The following ROCK1 variants were observed in gnomAD, a reference collection of about 807,000 sequenced individuals.
ROCK1 encodes the protein rho-associated protein kinase 1.
In ROCK1, 36 loss-of-function variants were observed where a neutral mutation model predicts 196.8. The ratio of observed to expected loss-of-function variants is 0.18; its 90% CI spans 0.14 to 0.24. The LOEUF (loss-of-function observed/expected upper bound fraction) is 0.24. Ranked by LOEUF, ROCK1 falls within the 10% of genes least tolerant of loss-of-function variation. The pLI, the probability that ROCK1 is intolerant of heterozygous loss-of-function variation, is 1.00. For missense variants in ROCK1, 920 were observed against 1,562.0 expected (o/e 0.59, Z 6.93); for synonymous variants, 443 against 515.9 (o/e 0.86, Z 1.91).
At chr18:21,005,858 C>T (rs2035764080) in intron 16 of ROCK1, among the ~76,000 whole-genome samples, 1 of 152,062 alleles carries the variant, frequency 6.6e-6, no homozygotes, top group Admixed American at 6.5e-5. Flanking sequence ...GCCTGTGCAA[C>T]AGAGCAAGTT....
At chr18:21,001,262 GGA>G (rs1598523489) in intron 16 of ROCK1, among the ~76,000 whole-genome samples, 1 of 152,202 alleles carries the variant, frequency 6.6e-6, no homozygotes, top group East Asian at 1.9e-4. Context: ...GTGGTTGCCA[GGA>G]GATAGTGGAG....
chr18:21,022,271 T>C (rs2143466303), intron 11 of ROCK1, among the ~76,000 whole-genome samples: 1 of 152,262 alleles, frequency 6.6e-6, no homozygotes, highest in Non-Finnish European at 1.5e-5. Context: ...AAGGACCTTC[T>C]GAAATGTAAG....
intron 1 of ROCK1, among the ~76,000 whole-genome samples, chr18:21,082,089 G>T (rs980769692): frequency 3.9e-5 from 6 of 151,952 alleles, no homozygotes; most frequent in African/African-American, 1.5e-4. Context: ...AGTAGCTTGT[G>T]TGAGCAACCA....
chr18:21,014,727 C>T (rs2035848672), intron 13 of ROCK1, among the ~76,000 whole-genome samples: 1 of 152,062 alleles, frequency 6.6e-6, no homozygotes, highest in African/African-American at 2.4e-5. Flanking sequence ...TTGACAGATA[C>T]CATTCTATAA....
intron 2 of ROCK1, among the ~76,000 whole-genome samples, chr18:21,061,230 C>T (rs2143536392): frequency 6.6e-6 from 1 of 152,086 alleles, no homozygotes; most frequent in African/African-American, 2.4e-5. Flanking sequence ...AGGCACCTGC[C>T]ACCATACCCG....
At chr18:20,990,693 CAAAAAA>C (rs1170099682) in intron 18 of ROCK1, among the ~76,000 whole-genome samples, 3 of 22,598 alleles carry the variant, frequency 1.3e-4, no homozygotes, top group Admixed American at 4.6e-4. Flanking sequence ...AACTTCGTCT[CAAAAAA>C]AAAAAAAAAA....
At position 20,979,931 on chromosome 18, in the gene ROCK1, A is replaced by C; in HGVS notation, c.2633T>G (p.Ile878Arg). 6.5e-7 allele frequency: 1 copy of C among 1,541,896 alleles called. No homozygotes were observed. The change falls in exon 22 of 33, where the codon ATA (isoleucine) becomes AGA (arginine). Residue 878 changes from isoleucine to arginine, a missense_variant. By Grantham distance (97) the Ile-to-Arg change is moderately conservative. This residue lies in a region of ROCK1 where 520 missense variants were observed against 657.1 expected (regional missense o/e 0.79). Coordinates refer to ENST00000399799, the MANE Select transcript of ROCK1 (RefSeq NM_005406.3). ...ATACTTTTCATTTTGTAGTTCCTGT[A>C]TTTTCTTTAAATTTTCTCTGTTTTT... ...EEKNRENLKK[I>R]QELQNEKETL...
At chr18:21,027,365 GT>G (rs2035967590) in intron 10 of ROCK1, among the ~76,000 whole-genome samples, 1 of 152,180 alleles carries the variant, frequency 6.6e-6, no homozygotes, top group African/African-American at 2.4e-5. Context: ...TTGGTGCTCA[GT>G]ATATACCTGA....
Position 21,110,967 on chromosome 18 carries a change from A to T in ROCK1, c.-57T>A. 6.9e-7 allele frequency: 1 copy of T among 1,447,036 alleles called. No individual in the cohort carries two copies. 89.6% of individuals were successfully genotyped at this position (1,447,036 alleles called of 1,614,324 possible). ...AGCACCAGCAGCGGAAAGCAATTTC[A>T]ACCAACTTCCTCCGCGGTGGGTTCG... On this transcript the variant is annotated 5_prime_UTR_variant, in exon 1 of 33. Transcript: ENST00000399799.
chr18:20,950,163 T>C lies in ROCK1; in HGVS notation c.*1221A>G, dbSNP rs1290424536. The C allele has an allele frequency of 6.6e-6, 1 of 152,652 alleles. No individual in the cohort carries two copies. The highest frequency in any genetic ancestry group is 2.4e-5 in the African/African-American group (1 of 41,464). 9.5% of individuals were successfully genotyped at this position (152,652 alleles called of 1,614,324 possible). A position where few individuals can be genotyped will look rare whatever the true frequency, so the allele number is the denominator to read the frequency against. On this transcript the variant is annotated 3_prime_UTR_variant, in exon 33 of 33. Coordinates refer to ENST00000399799, the MANE Select transcript of ROCK1 (RefSeq NM_005406.3). ...CTGGACAAGAGTTTAACAGTATTTA[T>C]CTGGTAATTCCTATGTTAACTGGAA...
At chr18:21,067,383 CTTTT>C (rs373333472) in intron 2 of ROCK1, among the ~76,000 whole-genome samples, 1 of 125,314 alleles carries the variant, frequency 8.0e-6, no homozygotes, top group Non-Finnish European at 1.7e-5. Flanking sequence ...TCTTTTCACT[CTTTT>C]TTTTTTTTTT....
At chr18:21,004,079 A>G (rs2035748885) in intron 16 of ROCK1, among the ~76,000 whole-genome samples, 1 of 152,142 alleles carries the variant, frequency 6.6e-6, no homozygotes, top group East Asian at 1.9e-4. Flanking sequence ...TATAGCCTGA[A>G]CTTTTGGAAA....
intron 16 of ROCK1, among the ~76,000 whole-genome samples, chr18:21,003,521 C>T (rs939030290): frequency 1.3e-5 from 2 of 152,104 alleles, no homozygotes. Flanking sequence ...AAAAAAGAGT[C>T]CCTATCTTTA....
Position 21,054,646 on chromosome 18 carries a change from C to T in ROCK1, c.176-4766G>A, listed in dbSNP as rs115832858. The stretch of plus-strand genomic sequence containing the variant: ...ACTCTCAGAGGTCACCACGTCTCAT[C>T]GCTAGACAGTTTTACTTCCTGATTT... On this transcript the variant is annotated intron_variant, in intron 2 of 32. Transcript: ENST00000399799. 3.1e-3 allele frequency among the ~76,000 whole-genome samples: 478 copies of T among 152,278 alleles called. 2 individuals carry two copies. Among genetic ancestry groups the T allele is most frequent in the African/African-American group, 0.011 (451 of 41,554 alleles).
Position 21,042,583 on chromosome 18 carries a change from A to G in ROCK1, c.802T>C (p.Leu268=). The G allele has an allele frequency of 6.2e-7, 1 of 1,613,798 alleles. No individual in the cohort carries two copies. Among genetic ancestry groups the G allele is most frequent in the South Asian group, 1.1e-5 (1 of 91,054 alleles). Residue 268 remains leucine (L), a synonymous_variant, in exon 7 of 33, where the codon TTA becomes CTA. Transcript: ENST00000399799. ...ECDWWSVGVF[L]YEMLVGDTPF... is the part of the protein sequence containing the mutation. ...TACTCACCTACAAGCATTTCGTATA[A>G]AAATACCCCAACCGACCACCAGTCA...
At chr18:21,069,395 T>TAGTTA (rs2036364733) in intron 2 of ROCK1, among the ~76,000 whole-genome samples, 1 of 152,096 alleles carries the variant, frequency 6.6e-6, no homozygotes, top group Admixed American at 6.5e-5. Flanking sequence ...AAAATTAAAA[T>TAGTTA]AAATTGTACA....
At chr18:21,014,421 G>A (rs923998907) in intron 13 of ROCK1, among the ~76,000 whole-genome samples, 1 of 152,120 alleles carries the variant, frequency 6.6e-6, no homozygotes, top group African/African-American at 2.4e-5. Flanking sequence ...TACTTACTGG[G>A]AGGAATACAG....
At chr18:21,014,579 T>C (rs2143451879) in intron 13 of ROCK1, among the ~76,000 whole-genome samples, 1 of 152,276 alleles carries the variant, frequency 6.6e-6, no homozygotes, top group South Asian at 2.1e-4. Flanking sequence ...TAAATATAAG[T>C]GGAAGATATG....
intron 1 of ROCK1, among the ~76,000 whole-genome samples, chr18:21,084,804 C>T (rs1402615294): frequency 2.6e-5 from 4 of 152,094 alleles, no homozygotes; most frequent in Non-Finnish European, 5.9e-5. Flanking sequence ...ATTTGTACAC[C>T]AATGTTCACA....
Sources: gnomAD v4.1 joint callset for allele counts (sites outside exome capture counted in the v4.1 genomes callset) on GRCh38, gnomAD v4.1.1 for gene constraint, gnomAD v4.1.1 regional missense constraint, MANE v1.5 for transcripts, NCBI Gene and HGNC (gene_info 2026-07-23, HGNC 2026-07-21) for gene names.